The following SYK variants were observed in gnomAD, a reference collection of about 807,000 sequenced individuals.
The protein encoded by SYK is spleen associated tyrosine kinase.
Under a neutral mutation model 77.8 loss-of-function variants are expected in SYK, and 16 were observed. The ratio of observed to expected loss-of-function variants is 0.21; its 90% CI spans 0.14 to 0.31. The LOEUF is 0.31. SYK is among the 10% of genes least tolerant of loss of function. The pLI is 1.00. For synonymous variants in SYK, 312 were observed against 308.7 expected (o/e 1.01, Z -0.11); for missense variants, 529 against 814.4 (o/e 0.65, Z 4.26).
chr9:90,858,505 C>CAGACAGG (rs1437764623), intron 3 of SYK, among the ~76,000 whole-genome samples: 3 of 152,352 alleles, frequency 2.0e-5, no homozygotes, highest in Admixed American at 2.0e-4. Flanking sequence ...GGCAGCAAGC[C>CAGACAGG]AGACAGGAGC....
chr9:90,825,024 C>T (rs180796269), intron 1 of SYK, among the ~76,000 whole-genome samples: 6 of 149,304 alleles, frequency 4.0e-5, no homozygotes, highest in Admixed American at 3.3e-4. Flanking sequence ...GATGCTAGAT[C>T]AATATACAAA....
intron 1 of SYK, among the ~76,000 whole-genome samples, chr9:90,813,736 T>A (rs895225677): frequency 2.0e-5 from 3 of 152,218 alleles, no homozygotes; most frequent in African/African-American, 7.2e-5. Flanking sequence ...AAGACAGGGT[T>A]CTTTTACAAG....
chr9:90,813,606 C>T (rs1391435221), intron 1 of SYK, among the ~76,000 whole-genome samples: 1 of 152,132 alleles, frequency 6.6e-6, no homozygotes, highest in Non-Finnish European at 1.5e-5. Flanking sequence ...CTATCAAGCT[C>T]AGAGATGCTG....
At chr9:90,811,955 A>G (rs290239) in intron 1 of SYK, among the ~76,000 whole-genome samples, 97,275 of 146,584 alleles carry the variant, frequency 0.66, 32,624 homozygotes, top group East Asian at 0.82. Flanking sequence ...AAAAAAAAAA[A>G]CCTAAAAATC....
chr9:90,825,153 T>A (rs1334810980), intron 1 of SYK, among the ~76,000 whole-genome samples: 1 of 149,382 alleles, frequency 6.7e-6, no homozygotes. Flanking sequence ...TACTTAGGTA[T>A]AAATCTAACA....
chr9:90,854,408 A>C (rs1457631547), intron 3 of SYK, among the ~76,000 whole-genome samples: 2 of 152,136 alleles, frequency 1.3e-5, no homozygotes, highest in Admixed American at 1.3e-4. Context: ...TCTGAGAGGC[A>C]TGCATGTTGA....
chr9:90,810,870 T>A (rs1282293992), intron 1 of SYK, among the ~76,000 whole-genome samples: 2 of 151,976 alleles, frequency 1.3e-5, no homozygotes, highest in African/African-American at 4.8e-5. Context: ...CAGACCCAGA[T>A]AATATGCAGG....
chr9:90,838,401 A>G (rs1047404521), intron 1 of SYK, among the ~76,000 whole-genome samples: 2 of 152,238 alleles, frequency 1.3e-5, no homozygotes, highest in African/African-American at 4.8e-5. Context: ...GAGAAAAATT[A>G]GGCAGGGAAG....
intron 6 of SYK, among the ~76,000 whole-genome samples, chr9:90,865,739 T>A (rs916476780): frequency 6.6e-6 from 1 of 152,108 alleles, no homozygotes; most frequent in South Asian, 2.1e-4. Context: ...GGGAACATAT[T>A]TTTTAACTTC....
At chr9:90,843,000 G>A (rs1826434195) in intron 1 of SYK, among the ~76,000 whole-genome samples, 1 of 152,080 alleles carries the variant, frequency 6.6e-6, no homozygotes, top group African/African-American at 2.4e-5. Context: ...CTTTCTTTTT[G>A]CTTCTGAAAT....
chr9:90,801,683 G>C (rs1044346010), upstream of SYK: 1 of 152,246 alleles, frequency 6.6e-6, no homozygotes, highest in Admixed American at 6.5e-5. Flanking sequence ...GCCCAGCTCC[G>C]GGCTCATGGG....
Position 90,895,422 on chromosome 9 carries a change from C to A in SYK, c.1836-106C>A. On this transcript the variant is annotated intron_variant, in intron 13 of 13. Coordinates refer to ENST00000375754, the MANE Select transcript of SYK (RefSeq NM_003177.7). This position sits in a 1 kb window ranked among gnomAD's most constrained non-coding sequence, Gnocchi z 4.4. ...GTGAGCTGCAGGCCCTAGAGTTAGC[C>A]ACCAGGGAGCAGCACCACTGGTACT... 1 of 1,191,716 alleles carries A rather than the reference C, an allele frequency of 8.4e-7. No homozygotes were observed. Among genetic ancestry groups the A allele is most frequent in the Non-Finnish European group, 1.2e-6 (1 of 815,268 alleles). The allele number at this position is 1,191,716 out of a possible 1,614,324, so 73.8% of individuals were successfully genotyped here.
chr9:90,811,737 G>T (rs1001954316), intron 1 of SYK, among the ~76,000 whole-genome samples: 2 of 146,202 alleles, frequency 1.4e-5, no homozygotes, highest in Non-Finnish European at 3.0e-5. Context: ...GGGCAATATG[G>T]CAAAACCCCA....
chr9:90,834,537 G>A (rs901625570), intron 1 of SYK, among the ~76,000 whole-genome samples: 2 of 152,144 alleles, frequency 1.3e-5, no homozygotes, highest in African/African-American at 2.4e-5. Flanking sequence ...CCACCTCCAC[G>A]GGGTACCATT....
chr9:90,828,235 G>GCCA (rs1431034125), intron 1 of SYK, among the ~76,000 whole-genome samples: 1 of 55,442 alleles, frequency 1.8e-5, no homozygotes, highest in African/African-American at 6.7e-5. Context: ...CCTCACCCCC[G>GCCA]CCCCCCCCCC....
chr9:90,864,966 T>G, intron 5 of SYK, 82 bp from the exon 6 acceptor site: 1 of 1,359,428 alleles, frequency 7.4e-7, no homozygotes, highest in South Asian at 1.2e-5. Flanking sequence ...CATCCTGATC[T>G]CATTGATTGA....
chr9:90,834,392 A>G (rs189452517), intron 1 of SYK, among the ~76,000 whole-genome samples: 28 of 152,260 alleles, frequency 1.8e-4, no homozygotes, highest in Non-Finnish European at 3.1e-4. Context: ...TGGCTTTGGT[A>G]TACTGTCATC....
At chr9:90,881,405 C>T (rs1413428754) in intron 11 of SYK, among the ~76,000 whole-genome samples, 1 of 152,030 alleles carries the variant, frequency 6.6e-6, no homozygotes, top group Admixed American at 6.5e-5. Flanking sequence ...GTGGGCCGGG[C>T]GTGGTGGCTC....
chr9:90,877,914 C>A, intron 10 of SYK, 134 bp downstream of exon 10: 1 of 818,632 alleles, frequency 1.2e-6, no homozygotes, highest in Non-Finnish European at 1.9e-6. Flanking sequence ...GGTCCATACT[C>A]AGGGACCTTG....
Sources: allele counts gnomAD v4.1 joint callset (sites outside exome capture counted in the v4.1 genomes callset), GRCh38; gene constraint gnomAD v4.1.1; non-coding constraint Gnocchi (gnomAD v3.1); transcripts MANE v1.5; gene names NCBI Gene and HGNC (gene_info 2026-07-23, HGNC 2026-07-21).